The following MIGA2 variants were observed in gnomAD, a reference collection of about 807,000 sequenced individuals.
MIGA2 encodes mitoguardin 2, also known as family with sequence similarity 73, member B.
MIGA2 carries 36 observed loss-of-function variants against 69.9 expected under a neutral mutation model. That is an observed-to-expected ratio of 0.52 (90% CI 0.39 to 0.68). The LOEUF is 0.68. Among genes scored for constraint, MIGA2 ranks in the 30% least tolerant of loss-of-function variants. The probability of loss-of-function intolerance (pLI) is 0.00; values close to 1 mark genes in which losing one functional copy is unlikely to be tolerated. For synonymous variants in MIGA2, 333 were observed against 349.2 expected, an observed-to-expected ratio of 0.95 and a Z score of 0.52; for missense variants, 660 against 787.7, an observed-to-expected ratio of 0.84 and a Z score of 1.94.
chr9:129,067,324 T>C (rs1846413850), intron 11 of MIGA2, among the ~76,000 whole-genome samples: 1 of 152,224 alleles, frequency 6.6e-6, no homozygotes, highest in Non-Finnish European at 1.5e-5. Context: ...AGCGGCACTT[T>C]AAACGCTGTT....
chr9:129,068,065 A>G lies in MIGA2; in HGVS notation c.1270-133A>G. Reference sequence around the variant, plus strand: ...GCCTCAGCTACACCCGTTGCACAGCAGAGCGGGAAAGACGTGTCCCCCCCA... The same window carrying G: ...GCCTCAGCTACACCCGTTGCACAGCGGAGCGGGAAAGACGTGTCCCCCCCA... On this transcript the variant is annotated intron_variant, in intron 12 of 15. Coordinates refer to ENST00000684074, the MANE Select transcript of MIGA2 (RefSeq NM_001329990.2). The surrounding 1 kb of genome is among the most constrained non-coding windows in gnomAD (Gnocchi z 4.1). 7.3e-7 allele frequency: 1 copy of G among 1,372,452 alleles called. No homozygotes were observed. The highest frequency in any genetic ancestry group is 1.2e-5 in the South Asian group (1 of 82,994). The allele number at this position is 1,372,452 out of a possible 1,614,324, so 85.0% of individuals were successfully genotyped here. A position where few individuals can be genotyped will look rare whatever the true frequency, so the allele number is the denominator to read the frequency against.
intron 6 of MIGA2, among the ~76,000 whole-genome samples, chr9:129,058,285 C>T (rs80093629): frequency 2.8e-3 from 421 of 151,786 alleles, no homozygotes; most frequent in African/African-American, 8.6e-3. Context: ...CCTGTAGTGT[C>T]CTAGCTACTA....
At chr9:129,057,752 C>T (rs143224287) in intron 6 of MIGA2, among the ~76,000 whole-genome samples, 2,718 of 152,186 alleles carry the variant, frequency 0.018, 36 homozygotes, top group Non-Finnish European at 0.03. Flanking sequence ...ACTACAGGCA[C>T]ACGCCACCAC....
rs1846514089 is a variant in MIGA2, at chr9:129,068,888, A to G, written c.1405-188A>G. 2 of 679,456 alleles carry G rather than the reference A, an allele frequency of 2.9e-6. No homozygotes were observed. The highest frequency in any genetic ancestry group is 1.8e-5 in the African/African-American group (1 of 56,194). 42.1% of individuals were successfully genotyped at this position (679,456 alleles called of 1,614,324 possible). A position where few individuals can be genotyped will look rare whatever the true frequency, so the allele number is the denominator to read the frequency against. ...ATCCAGCAGTAAGATTAGAGTCAAG[A>G]TTCAAGTTTAGGTATGTCTGAGTCC... On this transcript the variant is annotated intron_variant, in intron 13 of 15. Coordinates refer to ENST00000684074, the MANE Select transcript of MIGA2 (RefSeq NM_001329990.2). The surrounding 1 kb of genome is among the most constrained non-coding windows in gnomAD (Gnocchi z 4.1).
chr9:129,049,909 C>T lies in MIGA2; in HGVS notation c.621C>T (p.Pro207=), dbSNP rs749034790. The change falls in exon 6 of 16, where the codon CCC becomes CCT. Residue 207 remains proline (P), a synonymous_variant. Coordinates refer to ENST00000684074, the MANE Select transcript of MIGA2 (RefSeq NM_001329990.2). ...VGQRGDSGST[P]MPRDGLRNPE... ...AGCGGGGGGACAGCGGCAGCACCCC[C>T]ATGCCCAGGGACGGCCTCCGGAACC... 1.9e-6 allele frequency: 3 copies of T among 1,613,676 alleles called. No individual in the cohort carries two copies. Among genetic ancestry groups the T allele is most frequent in the Non-Finnish European group, 2.5e-6 (3 of 1,179,980 alleles).
rs537397589 is a variant in MIGA2, at chr9:129,045,039, A to C, written c.307+2525A>C. On this transcript the variant is annotated intron_variant, in intron 3 of 15. Transcript: ENST00000684074. ...ACGGTGAAACCCTGTCTCTACTAAAAATACAAAAATTAGTCGGGTGTGGTG... is the reference window on the plus strand; with the variant it reads ...ACGGTGAAACCCTGTCTCTACTAAACATACAAAAATTAGTCGGGTGTGGTG... Among the ~76,000 whole-genome samples, 19 of 152,030 alleles carry C rather than the reference A, an allele frequency of 1.2e-4. No homozygotes were observed. In the East Asian group the frequency reaches 1.4e-3, roughly 11 times the overall value.
chr9:129,048,064 C>G (rs1462291024), intron 3 of MIGA2, among the ~76,000 whole-genome samples: 1 of 152,192 alleles, frequency 6.6e-6, no homozygotes, highest in Non-Finnish European at 1.5e-5. Context: ...CGTCTCACAT[C>G]TCTTTTGCAA....
At position 129,067,814 on chromosome 9, in the gene MIGA2, C is replaced by T. The variant is rs1018154753; in HGVS notation, c.1212C>T (p.Ser404=). ...GFLESYEEML[S]YALRPETWAT... The stretch of plus-strand genomic sequence containing the variant: ...TGGAGAGCTACGAGGAGATGCTGAG[C>T]TATGCCCTGCGGCCCGAGACCTGGG... The change falls in exon 12 of 16, where the codon AGC becomes AGT. Residue 404 remains serine (S), a synonymous_variant. Transcript: ENST00000684074. 2 of 1,613,130 alleles carry T rather than the reference C, an allele frequency of 1.2e-6. No individual in the cohort carries two copies. Among genetic ancestry groups the T allele is most frequent in the East Asian group, 2.2e-5 (1 of 44,902 alleles).
intron 6 of MIGA2, among the ~76,000 whole-genome samples, chr9:129,057,817 G>C (rs1196331862): frequency 6.6e-6 from 1 of 151,732 alleles, no homozygotes; most frequent in Non-Finnish European, 1.5e-5. Flanking sequence ...TGTTGCCTAG[G>C]CTGGTCTCAA....
chr9:129,037,131 G>A (rs958663078), intron 1 of MIGA2: 20 of 858,170 alleles, frequency 2.3e-5, no homozygotes, highest in Non-Finnish European at 2.7e-5. Flanking sequence ...CCAACGCGGG[G>A]ATGCCCGGTG....
chr9:129,037,533 T>A (rs565788489), intron 1 of MIGA2, among the ~76,000 whole-genome samples: 4 of 151,932 alleles, frequency 2.6e-5, no homozygotes, highest in Non-Finnish European at 4.4e-5. Context: ...ACGGACAGGG[T>A]GCCAGGGGGA....
At chr9:129,056,765 C>T (rs1377352441) in intron 6 of MIGA2, among the ~76,000 whole-genome samples, 4 of 143,126 alleles carry the variant, frequency 2.8e-5, no homozygotes, top group East Asian at 2.0e-4. Flanking sequence ...GTGATCTGCC[C>T]GCCTCGCCCC....
In MIGA2 at chr9:129,067,639, T is replaced by C. The variant is rs527779785; in HGVS notation, c.1171-134T>C. 11 of 753,188 alleles carry C rather than the reference T, an allele frequency of 1.5e-5. No individual in the cohort carries two copies. The African/African-American group carries it at 1.6e-4, about 11-fold the overall frequency. The allele number at this position is 753,188 out of a possible 1,614,324, so 46.7% of individuals were successfully genotyped here. On this transcript the variant is annotated intron_variant, in intron 11 of 15. Coordinates refer to ENST00000684074, the MANE Select transcript of MIGA2 (RefSeq NM_001329990.2). ...TGCTGTGCTGAGTAGGAGACACTTC[T>C]CTGCCACGTTTTCTCTGTGCCTGCT...
At position 129,040,489 on chromosome 9, in the gene MIGA2, C is replaced by T. The variant is rs956779444; in HGVS notation, c.-106C>T. ...GCCCTCTGGTATGTGTGTCCCTGTC[C>T]TTCTGGGGCGTGGATGGTGCCTGGG... On this transcript the variant is annotated 5_prime_UTR_variant, in exon 2 of 16. Coordinates refer to ENST00000684074, the MANE Select transcript of MIGA2 (RefSeq NM_001329990.2). 9 of 1,470,784 alleles carry T rather than the reference C, an allele frequency of 6.1e-6. No individual in the cohort carries two copies. The South Asian group carries it at 8.4e-5, about 14-fold the overall frequency. 91.1% of individuals were successfully genotyped at this position (1,470,784 alleles called of 1,614,324 possible).
chr9:129,046,127 A>G (rs1430607963), intron 3 of MIGA2, among the ~76,000 whole-genome samples: 2 of 152,140 alleles, frequency 1.3e-5, no homozygotes, highest in South Asian at 2.1e-4. Flanking sequence ...TGCTGGGATT[A>G]CAGGTGTGAG....
chr9:129,037,202 G>A (rs1844638285), intron 1 of MIGA2, among the ~76,000 whole-genome samples: 1 of 152,156 alleles, frequency 6.6e-6, no homozygotes, highest in Admixed American at 6.5e-5. Context: ...TGGGCAGAGT[G>A]GCTCAAGGGA....
Position 129,067,849 on chromosome 9 carries a change from G to A in MIGA2, c.1247G>A (p.Arg416Gln). The A allele has an allele frequency of 1.2e-6, 2 of 1,612,660 alleles. No individual in the cohort carries two copies. Among genetic ancestry groups the A allele is most frequent in the South Asian group, 2.2e-5 (2 of 90,778 alleles). The part of the protein sequence containing the change: ...ALRPETWATT[R>Q]LELEGRGVVC... ...CGGCCCGAGACCTGGGCCACAACAC[G>A]GCTGGAGCTGGAGGGCCGAGGGGTG... is the stretch of plus-strand genomic sequence containing the variant. Residue 416 changes from arginine (R) to glutamine (Q), a missense_variant, in exon 12 of 16, where the codon CGG becomes CAG. Transcript: ENST00000684074.
In MIGA2 at chr9:129,059,011, G is replaced by A. The variant is rs1845931282; in HGVS notation, c.676-143G>A. The A allele has an allele frequency of 1.5e-6, 1 of 659,450 alleles. No individual in the cohort carries two copies. Among genetic ancestry groups the A allele is most frequent in the East Asian group, 2.7e-5 (1 of 36,420 alleles). 40.8% of individuals were successfully genotyped at this position (659,450 alleles called of 1,614,324 possible). On this transcript the variant is annotated intron_variant, in intron 6 of 15. Coordinates refer to ENST00000684074, the MANE Select transcript of MIGA2 (RefSeq NM_001329990.2). This position sits in a 1 kb window ranked among gnomAD's most constrained non-coding sequence, Gnocchi z 5.6. ...AAGTGGCTGGTGGCTCCTCTATCGA[G>A]CAGTGAAGTTTTGGAGTTTATGTGC...
rs1216857300 is a variant in MIGA2, at chr9:129,042,347, T to C, written c.140T>C (p.Val47Ala). The C allele has an allele frequency of 6.2e-7, 1 of 1,613,042 alleles. No individual in the cohort carries two copies. The highest frequency in any genetic ancestry group is 8.5e-7 in the Non-Finnish European group (1 of 1,180,018). ...QLRLTPGLRK[V>A]LFATALGTVA... ...CGGTTGACGCCAGGCCTGCGGAAAG[T>C]CCTCTTTGCCACGGCCCTGGGGACT... The change falls in exon 3 of 16, where the codon GTC becomes GCC. Residue 47 changes from valine (V) to alanine (A), a missense_variant. This residue lies in a region of MIGA2 where 54 missense variants were observed against 84.0 expected (regional missense o/e 0.64). Coordinates refer to ENST00000684074, the MANE Select transcript of MIGA2 (RefSeq NM_001329990.2).
Sources: gnomAD v4.1 joint callset for allele counts (sites outside exome capture counted in the v4.1 genomes callset) on GRCh38, gnomAD v4.1.1 for gene constraint, gnomAD v4.1.1 regional missense constraint, Gnocchi (gnomAD v3.1) non-coding constraint, MANE v1.5 for transcripts, NCBI Gene and HGNC (gene_info 2026-07-23, HGNC 2026-07-21) for gene names.